Variants in BMPR1A observed in about 807,000 individuals in gnomAD.
BMPR1A encodes the protein bone morphogenetic protein receptor type 1A.
BMPR1A carries 7 observed loss-of-function variants against 66.0 expected under a neutral mutation model. The observed-to-expected ratio is 0.11, with a 90% CI of 0.06 to 0.20. BMPR1A has a LOEUF of 0.20. Ranked by LOEUF, BMPR1A falls within the 10% of genes least tolerant of loss-of-function variation. BMPR1A has a pLI of 1.00. For synonymous variants in BMPR1A, 200 were observed against 229.7 expected, an observed-to-expected ratio of 0.87 and a Z score of 1.17; for missense variants, 408 against 669.1, an observed-to-expected ratio of 0.61 and a Z score of 4.31.
intron 1 of BMPR1A, among the ~76,000 whole-genome samples, chr10:86,837,255 G>GTGTGTGTGTC (rs1455855934): frequency 1.3e-5 from 2 of 150,396 alleles, no homozygotes; most frequent in East Asian, 1.9e-4. Flanking sequence ...GTCTGTGTGT[G>GTGTGTGTGTC]TGTGTGTGTG....
chr10:86,792,362 G>T (rs1195625257), intron 1 of BMPR1A, among the ~76,000 whole-genome samples: 2 of 152,124 alleles, frequency 1.3e-5, no homozygotes, highest in Non-Finnish European at 2.9e-5. Context: ...AGCATGCCTG[G>T]CCTACTGTCA....
At chr10:86,868,302 A>G (rs866796630) in intron 2 of BMPR1A, among the ~76,000 whole-genome samples, 23 of 152,234 alleles carry the variant, frequency 1.5e-4, no homozygotes, top group African/African-American at 5.1e-4. Context: ...GTTTATGTTT[A>G]GATTTGCGGG....
chr10:86,922,074 C>T (rs190143947), intron 11 of BMPR1A, among the ~76,000 whole-genome samples: 1 of 152,290 alleles, frequency 6.6e-6, no homozygotes, highest in East Asian at 1.9e-4. Context: ...CCTTCCCAAC[C>T]TCTGGTAACC....
At chr10:86,765,505 A>AG (rs1491091233) in intron 1 of BMPR1A, among the ~76,000 whole-genome samples, 3 of 147,974 alleles carry the variant, frequency 2.0e-5, no homozygotes, top group Non-Finnish European at 1.5e-5. Flanking sequence ...AAAAAAAAAA[A>AG]GAATATTCCT....
chr10:86,760,845 C>G (rs764196343), intron 1 of BMPR1A, among the ~76,000 whole-genome samples: 3 of 152,124 alleles, frequency 2.0e-5, no homozygotes, highest in Non-Finnish European at 4.4e-5. Context: ...TCCATATTGA[C>G]CAAGTTGGAC....
chr10:86,789,953 G>A (rs1423765853), intron 1 of BMPR1A, among the ~76,000 whole-genome samples: 1 of 150,356 alleles, frequency 6.7e-6, no homozygotes, highest in East Asian at 2.0e-4. Flanking sequence ...TCAGGAGATC[G>A]AGACCATCCT....
intron 7 of BMPR1A, among the ~76,000 whole-genome samples, chr10:86,903,798 G>A (rs904030343): frequency 2.6e-5 from 4 of 151,952 alleles, no homozygotes; most frequent in Non-Finnish European, 5.9e-5. Context: ...TAGTAGAGAC[G>A]GGGTTTCATC....
In BMPR1A at chr10:86,927,094, T is replaced by C. The variant is rs1817770754; in HGVS notation, c.*3375T>C. On this transcript the variant is annotated 3_prime_UTR_variant, in exon 13 of 13. Coordinates refer to ENST00000372037, the MANE Select transcript of BMPR1A (RefSeq NM_004329.3). ...GAAAGTGACCTATAGTTTTTTAAAA[T>C]TATGTTTTCCTAGAACGTGCCAAAT... 5.4e-6 allele frequency: 1 copy of C among 186,226 alleles called. No homozygotes were observed. 11.5% of individuals were successfully genotyped at this position (186,226 alleles called of 1,614,324 possible).
At chr10:86,849,704 A>T (rs1042817033) in intron 2 of BMPR1A, among the ~76,000 whole-genome samples, 1 of 152,220 alleles carries the variant, frequency 6.6e-6, no homozygotes, top group Non-Finnish European at 1.5e-5. Flanking sequence ...ATTGAGTAAC[A>T]TAGAGACTTT....
intron 3 of BMPR1A, among the ~76,000 whole-genome samples, chr10:86,881,033 A>G (rs1243264172): frequency 6.7e-6 from 1 of 149,350 alleles, no homozygotes; most frequent in South Asian, 2.1e-4. Context: ...GAGTCCCTTT[A>G]AAAAAAAAAT....
chr10:86,841,782 C>T (rs1842427343), intron 2 of BMPR1A, among the ~76,000 whole-genome samples: 1 of 152,080 alleles, frequency 6.6e-6, no homozygotes, highest in African/African-American at 2.4e-5. Flanking sequence ...CCCACCAACC[C>T]CCAACATTTA....
chr10:86,782,747 A>T (rs7073552), intron 1 of BMPR1A, among the ~76,000 whole-genome samples: 1,766 of 150,354 alleles, frequency 0.012, 38 homozygotes, highest in African/African-American at 0.041. Flanking sequence ...TTTATTCTGG[A>T]TATTAAACCC....
At chr10:86,766,973 G>A (rs565931775) in intron 1 of BMPR1A, among the ~76,000 whole-genome samples, 4 of 152,046 alleles carry the variant, frequency 2.6e-5, no homozygotes, top group Non-Finnish European at 4.4e-5. Flanking sequence ...ACAGGTGCAC[G>A]TCACCATGTC....
At chr10:86,887,283 C>T (rs937080276) in intron 3 of BMPR1A, among the ~76,000 whole-genome samples, 1 of 152,170 alleles carries the variant, frequency 6.6e-6, no homozygotes, top group Non-Finnish European at 1.5e-5. Flanking sequence ...ACATAATAGA[C>T]CCCTACTAAG....
In BMPR1A at chr10:86,892,110, G is replaced by T. The variant is rs768578338; in HGVS notation, c.231-17G>T. 4 of 1,591,424 alleles carry T rather than the reference G, an allele frequency of 2.5e-6. No individual in the cohort carries two copies. Among genetic ancestry groups the T allele is most frequent in the South Asian group, 2.2e-5 (2 of 90,600 alleles). On this transcript the variant is annotated splice_polypyrimidine_tract_variant and intron_variant, in intron 4 of 12. Coordinates refer to ENST00000372037, the MANE Select transcript of BMPR1A (RefSeq NM_004329.3). Reference sequence around the variant, plus strand: ...GTGAATTTATGTTTTGTTTTGTTTTGTTTTTTTCTGTTTTAGAACTAATGG... The same window carrying T: ...GTGAATTTATGTTTTGTTTTGTTTTTTTTTTTTCTGTTTTAGAACTAATGG...
At chr10:86,867,657 T>C (rs79610885) in intron 2 of BMPR1A, among the ~76,000 whole-genome samples, 1,590 of 152,358 alleles carry the variant, frequency 0.01, 26 homozygotes, top group African/African-American at 0.036. Context: ...GGTTAGGGAA[T>C]TTGTAGTACA....
chr10:86,916,345 G>T (rs1434387487), intron 8 of BMPR1A, among the ~76,000 whole-genome samples: 1 of 152,252 alleles, frequency 6.6e-6, no homozygotes, highest in African/African-American at 2.4e-5. Flanking sequence ...CTGTGAGTCT[G>T]TGGGGCAGTT....
chr10:86,921,950 C>T (rs1333876762), intron 11 of BMPR1A, among the ~76,000 whole-genome samples: 1 of 152,120 alleles, frequency 6.6e-6, no homozygotes, highest in East Asian at 1.9e-4. Context: ...TTTAAGTGTA[C>T]AATTAAATTA....
chr10:86,918,612 C>G (rs989538484), intron 9 of BMPR1A, among the ~76,000 whole-genome samples: 4 of 150,668 alleles, frequency 2.7e-5, no homozygotes, highest in Non-Finnish European at 4.4e-5. Context: ...TTTTTCTTTT[C>G]TTTCCTTTTC....
Sources: allele counts gnomAD v4.1 joint callset (sites outside exome capture counted in the v4.1 genomes callset), GRCh38; gene constraint gnomAD v4.1.1; transcripts MANE v1.5; gene names NCBI Gene and HGNC (gene_info 2026-07-23, HGNC 2026-07-21).